C1D: variants seen among roughly 807,000 people sequenced by gnomAD.
C1D encodes nuclear nucleic acid-binding protein C1D.
In C1D, 10 loss-of-function variants were observed where a neutral mutation model predicts 17.5. The ratio of observed to expected loss-of-function variants is 0.57; its 90% confidence interval spans 0.35 to 0.97. C1D has a LOEUF of 0.97. C1D is among the 50% of genes least tolerant of loss of function. The probability of loss-of-function intolerance (pLI) is 0.01; values close to 1 mark genes in which losing one functional copy is unlikely to be tolerated. For missense variants in C1D, 136 were observed against 160.1 expected (o/e 0.85, Z 0.81); for synonymous variants, 49 against 54.0 (o/e 0.91, Z 0.40).
intron 1 of C1D, among the ~76,000 whole-genome samples, chr2:68,060,675 G>C (rs1311545428): frequency 2.0e-5 from 3 of 151,724 alleles, no homozygotes; most frequent in African/African-American, 7.3e-5. Flanking sequence ...GGGCAGGGCG[G>C]GCAAGGGCAG....
At chr2:68,062,487 A>C (rs1397349881) in intron 1 of C1D, among the ~76,000 whole-genome samples, 1 of 152,256 alleles carries the variant, frequency 6.6e-6, no homozygotes, top group Non-Finnish European at 1.5e-5. Context: ...ATGAGCTAAT[A>C]CTGCAGCAGC....
rs1033756726 is a variant in C1D, at chr2:68,053,157, C to A, written c.-9-5838G>T. The A allele has an allele frequency of 1.9e-6, 3 of 1,550,452 alleles. No homozygotes were observed. The Admixed American group carries it at 5.9e-5, about 30-fold the overall frequency. On this transcript the variant is annotated intron_variant, in intron 1 of 4. Coordinates refer to ENST00000410067, the MANE Select transcript of C1D (RefSeq NM_173177.3). ...CACTGGCTGCAGAGGTAGAGACAGA[C>A]GGAGAGGGCATGAGAAAACTTGCTT...
At chr2:68,061,895 G>A (rs1437003880) in intron 1 of C1D, among the ~76,000 whole-genome samples, 2 of 152,164 alleles carry the variant, frequency 1.3e-5, no homozygotes, top group African/African-American at 4.8e-5. Context: ...TCTTTTGACT[G>A]AGAATTTTAT....
chr2:68,060,407 T>G (rs1033170970), intron 1 of C1D, among the ~76,000 whole-genome samples: 2 of 152,178 alleles, frequency 1.3e-5, no homozygotes, highest in African/African-American at 4.8e-5. Context: ...TTTAGAAGGC[T>G]GAGACAGGCG....
chr2:68,054,057 T>C (rs1671362660), intron 1 of C1D, among the ~76,000 whole-genome samples: 1 of 152,226 alleles, frequency 6.6e-6, no homozygotes, highest in Non-Finnish European at 1.5e-5. Context: ...AGGGGCTGTG[T>C]CATATTCATG....
At chr2:68,045,218 T>C (rs949118111) in intron 4 of C1D, among the ~76,000 whole-genome samples, 1 of 152,154 alleles carries the variant, frequency 6.6e-6, no homozygotes, top group South Asian at 2.1e-4. Flanking sequence ...ACCCTAAAAC[T>C]TGAGAACAAG....
chr2:68,045,936 C>T (rs1276453159), intron 4 of C1D, 52 bp downstream of exon 4: 5 of 1,268,430 alleles, frequency 3.9e-6, no homozygotes, highest in Non-Finnish European at 5.6e-6. Context: ...GTGTGACAAA[C>T]CTCAGGAATA....
At chr2:68,051,642 T>C (rs1218357792) in intron 1 of C1D, among the ~76,000 whole-genome samples, 1 of 152,178 alleles carries the variant, frequency 6.6e-6, no homozygotes, top group Non-Finnish European at 1.5e-5. Context: ...AGCCACATTG[T>C]TCTTCCCCCA....
chr2:68,044,501 G>A (rs1225231098), intron 4 of C1D, among the ~76,000 whole-genome samples: 1 of 152,218 alleles, frequency 6.6e-6, no homozygotes, highest in African/African-American at 2.4e-5. Context: ...GAGGTCAGGA[G>A]ATCGAGACCA....
intron 1 of C1D, among the ~76,000 whole-genome samples, chr2:68,052,437 A>G (rs1205154092): frequency 6.6e-6 from 1 of 152,190 alleles, no homozygotes; most frequent in Non-Finnish European, 1.5e-5. Flanking sequence ...CAAATACTGT[A>G]TGTATTTTTA....
At chr2:68,046,776 A>C (rs977327219) in intron 2 of C1D, among the ~76,000 whole-genome samples, 4 of 152,204 alleles carry the variant, frequency 2.6e-5, no homozygotes, top group African/African-American at 9.6e-5. Context: ...TATGTATAAG[A>C]AGCAGGCTTA....
chr2:68,046,441 A>G, intron 2 of C1D, 31 bp from the exon 3 acceptor site: 3 of 1,497,994 alleles, frequency 2.0e-6, no homozygotes. Flanking sequence ...AGGGAAAGAG[A>G]GAAAGTGAGA....
chr2:68,060,394 C>A (rs1205308711), intron 1 of C1D, among the ~76,000 whole-genome samples: 1 of 152,170 alleles, frequency 6.6e-6, no homozygotes, highest in Admixed American at 6.5e-5. Context: ...GTAATCCCAG[C>A]ACTTTAGAAG....
rs1253792989 is a variant in C1D, at chr2:68,042,289, A to G, written c.*600T>C. 6.6e-6 allele frequency: 1 copy of G among 152,382 alleles called. No homozygotes were observed. Among genetic ancestry groups the G allele is most frequent in the Non-Finnish European group, 1.5e-5 (1 of 67,962 alleles). The allele number at this position is 152,382 out of a possible 1,614,324, so 9.4% of individuals were successfully genotyped here. A position where few individuals can be genotyped will look rare whatever the true frequency, so the allele number is the denominator to read the frequency against. On this transcript the variant is annotated 3_prime_UTR_variant, in exon 5 of 5. Coordinates refer to ENST00000410067, the MANE Select transcript of C1D (RefSeq NM_173177.3). ...ACATACAACCTTATTTCCCATCTAAAGTTAATGAGAATGTATTTTATTTTA... is the reference window on the plus strand; with the variant it reads ...ACATACAACCTTATTTCCCATCTAAGGTTAATGAGAATGTATTTTATTTTA...
At chr2:68,060,793 C>CATTGGTTATTTCCATTGGTT (rs1553390883) in intron 1 of C1D, among the ~76,000 whole-genome samples, 2 of 152,156 alleles carry the variant, frequency 1.3e-5, no homozygotes, top group Non-Finnish European at 2.9e-5. Context: ...CCTACCTTTC[C>CATTGGTTATTTCCATTGGTT]ATTGGTTATT....
chr2:68,051,348 A>G (rs1006924860), intron 1 of C1D, among the ~76,000 whole-genome samples: 3 of 152,000 alleles, frequency 2.0e-5, no homozygotes, highest in African/African-American at 7.2e-5. Flanking sequence ...GCAAGACCCC[A>G]TATCTATAAT....
chr2:68,056,541 G>C (rs1671443717), intron 1 of C1D, among the ~76,000 whole-genome samples: 1 of 151,842 alleles, frequency 6.6e-6, no homozygotes, highest in Non-Finnish European at 1.5e-5. Flanking sequence ...GCAACACAAA[G>C]ATTTTTTTAA....
At chr2:68,051,160 G>C (rs916329959) in intron 1 of C1D, among the ~76,000 whole-genome samples, 1 of 152,170 alleles carries the variant, frequency 6.6e-6, no homozygotes, top group Non-Finnish European at 1.5e-5. Flanking sequence ...ATGTAAATAA[G>C]ATTATGCCAT....
chr2:68,042,838 G>GGGGA lies in C1D; in HGVS notation c.*50_*51insTCCC. 9 of 377,418 alleles carry GGGGA rather than the reference G, an allele frequency of 2.4e-5. No individual in the cohort carries two copies. The highest frequency in any genetic ancestry group is 3.1e-5 in the Non-Finnish European group (7 of 224,574). The allele number at this position is 377,418 out of a possible 1,614,324, so 23.4% of individuals were successfully genotyped here. On this transcript the variant is annotated 3_prime_UTR_variant, in exon 5 of 5. Coordinates refer to ENST00000410067, the MANE Select transcript of C1D (RefSeq NM_173177.3). ...CACAGAATTATTTTGCGGGGGGGGGGGGGGGGGGGAAGATGTACTTTTTGA... is the reference window on the plus strand; with the variant it reads ...CACAGAATTATTTTGCGGGGGGGGGGGGGAGGGGGGGGGAAGATGTACTTTTTGA...
Sources: allele counts gnomAD v4.1 joint callset (sites outside exome capture counted in the v4.1 genomes callset), GRCh38; gene constraint gnomAD v4.1.1; transcripts MANE v1.5; gene names NCBI Gene and HGNC (gene_info 2026-07-23, HGNC 2026-07-21).